MLXIP: variants seen among roughly 807,000 people sequenced by gnomAD.
The protein encoded by MLXIP is MLX interacting protein.
Under a neutral mutation model 87.2 loss-of-function variants are expected in MLXIP, and 30 were observed. That is an observed-to-expected ratio of 0.34 (90% CI 0.26 to 0.47). MLXIP has a LOEUF of 0.47. MLXIP is among the 20% of genes least tolerant of loss of function. The pLI is 1.00. For missense variants in MLXIP, 1,002 were observed against 1,240.1 expected (o/e 0.81, Z 2.88); for synonymous variants, 530 against 514.0 (o/e 1.03, Z -0.42).
At chr12:122,089,518 ACT>A (rs1231308249) in intron 1 of MLXIP, among the ~76,000 whole-genome samples, 2 of 151,724 alleles carry the variant, frequency 1.3e-5, no homozygotes, top group African/African-American at 2.4e-5. Flanking sequence ...GAAGCAGAAA[ACT>A]CTTTCATCCG....
rs1235799569 is a variant in MLXIP at position 122,078,788 on chromosome 12, C to G, written c.-66C>G. 7 of 1,025,524 alleles carry G rather than the reference C, an allele frequency of 6.8e-6. No homozygotes were observed. Among genetic ancestry groups the G allele is most frequent in the South Asian group, 4.6e-5 (1 of 21,974 alleles). 63.5% of individuals were successfully genotyped at this position (1,025,524 alleles called of 1,614,324 possible). A position where few individuals can be genotyped will look rare whatever the true frequency, so the allele number is the denominator to read the frequency against. On this transcript the variant is annotated 5_prime_UTR_variant, in exon 1 of 17. Transcript: ENST00000319080. ...GCGCGGGCCGGGCCGGGCCGGCGCC[C>G]CTCTGCCTCGCGCGCTTGTCGCGTT...
rs1439965003 is a variant in MLXIP, at chr12:122,135,763, A to G, written c.2032+97A>G. On this transcript the variant is annotated intron_variant, in intron 11 of 16. Coordinates refer to ENST00000319080, the MANE Select transcript of MLXIP (RefSeq NM_014938.6). This position sits in a 1 kb window ranked among gnomAD's most constrained non-coding sequence, Gnocchi z 5.3. ...GGTGCTTGCTGGGTCCCCAGGACGG[A>G]GCCTGGGCTTAGGACACACAGTGAG... is the stretch of plus-strand genomic sequence containing the variant. The G allele has an allele frequency of 7.3e-7, 1 of 1,369,394 alleles. No individual in the cohort carries two copies. The highest frequency in any genetic ancestry group is 2.6e-5 in the East Asian group (1 of 38,750). 84.8% of individuals were successfully genotyped at this position (1,369,394 alleles called of 1,614,324 possible).
Position 122,133,440 on chromosome 12 carries a change from T to C in MLXIP, c.1185T>C (p.Asp395=), listed in dbSNP as rs1206282770. The change falls in exon 9 of 17, where the codon GAT becomes GAC. Residue 395 remains aspartate (D), a synonymous_variant. Coordinates refer to ENST00000319080, the MANE Select transcript of MLXIP (RefSeq NM_014938.6). This position sits in a 1 kb window ranked among gnomAD's most constrained non-coding sequence, Gnocchi z 4.9. ...CCGCCCCATCCCTGGCTCACATGGATGAGCAGGGCTGTGAACACACCTCCC... is the reference window on the plus strand; with the variant it reads ...CCGCCCCATCCCTGGCTCACATGGACGAGCAGGGCTGTGAACACACCTCCC... The part of the protein sequence containing the change: ...PPTAPSLAHM[D]EQGCEHTSRT... 2 of 1,612,966 alleles carry C rather than the reference T, an allele frequency of 1.2e-6. No homozygotes were observed. The highest frequency in any genetic ancestry group is 1.7e-6 in the Non-Finnish European group (2 of 1,179,486).
Position 122,135,818 on chromosome 12 carries a change from G to T in MLXIP, c.2032+152G>T. On this transcript the variant is annotated intron_variant, in intron 11 of 16. Coordinates refer to ENST00000319080, the MANE Select transcript of MLXIP (RefSeq NM_014938.6). The surrounding 1 kb of genome is among the most constrained non-coding windows in gnomAD (Gnocchi z 5.3). The stretch of plus-strand genomic sequence containing the variant: ...TGTAGGCCTGCTGATAACACAGTCT[G>T]GGAACACGCTCTGTGGGTGGCAGGA... 1 of 927,416 alleles carries T rather than the reference G, an allele frequency of 1.1e-6. No individual in the cohort carries two copies. The highest frequency in any genetic ancestry group is 1.5e-6 in the Non-Finnish European group (1 of 653,442). 57.4% of individuals were successfully genotyped at this position (927,416 alleles called of 1,614,324 possible).
intron 1 of MLXIP, among the ~76,000 whole-genome samples, chr12:122,114,505 G>A (rs1343844931): frequency 6.6e-6 from 1 of 152,134 alleles, no homozygotes; most frequent in Non-Finnish European, 1.5e-5. Flanking sequence ...TTCTAGCCCC[G>A]CCCAGATGTC....
At chr12:122,127,681 C>T (rs752427743) in intron 2 of MLXIP, among the ~76,000 whole-genome samples, 10 of 152,220 alleles carry the variant, frequency 6.6e-5, no homozygotes, top group Non-Finnish European at 4.4e-5. Flanking sequence ...CACTGCCTCT[C>T]TGACTGAGGC....
At chr12:122,119,085 G>A (rs545727669) in intron 1 of MLXIP, among the ~76,000 whole-genome samples, 15 of 151,680 alleles carry the variant, frequency 9.9e-5, no homozygotes, top group Non-Finnish European at 2.1e-4. Flanking sequence ...GGACAGTGGC[G>A]TGAACCTGGG....
In MLXIP at chr12:122,141,834, G is replaced by C. The variant is rs11057509; in HGVS notation, c.*22G>C. ...CTAGCTGCTTAGCTGGCATGTGGCCGCATGAGATGCCAGGAGACCCTTCCC... is the reference window on the plus strand; with the variant it reads ...CTAGCTGCTTAGCTGGCATGTGGCCCCATGAGATGCCAGGAGACCCTTCCC... On this transcript the variant is annotated 3_prime_UTR_variant, in exon 17 of 17. Transcript: ENST00000319080. The C allele has an allele frequency of 1.2e-6, 2 of 1,611,460 alleles. No homozygotes were observed. Among genetic ancestry groups the C allele is most frequent in the Non-Finnish European group, 1.7e-6 (2 of 1,179,356 alleles).
Position 122,135,092 on chromosome 12 carries a change from C to A in MLXIP, c.1733-132C>A. 9.0e-7 allele frequency: 1 copy of A among 1,108,366 alleles called. No homozygotes were observed. Among genetic ancestry groups the A allele is most frequent in the Non-Finnish European group, 1.3e-6 (1 of 752,718 alleles). 68.7% of individuals were successfully genotyped at this position (1,108,366 alleles called of 1,614,324 possible). ...GAAGTCACACAAATGGTTTTAGGTG[C>A]CTTGGTGGCTTTGTCTTCCTGTCCC... On this transcript the variant is annotated intron_variant, in intron 9 of 16. Transcript: ENST00000319080. This position sits in a 1 kb window ranked among gnomAD's most constrained non-coding sequence, Gnocchi z 5.3.
chr12:122,086,827 G>C (rs1163942733), intron 1 of MLXIP, among the ~76,000 whole-genome samples: 2 of 152,116 alleles, frequency 1.3e-5, no homozygotes, highest in Admixed American at 1.3e-4. Context: ...GGTCCCCCGC[G>C]GGGGAGATGC....
At position 122,078,937 on chromosome 12, in the gene MLXIP, GGAC is replaced by G. The variant is rs1235628101; in HGVS notation, c.94_96del (p.Asp32del). ...TGCTGCTCAAGCCCCAGGTGTCCGA[GGAC>G]GACGACGACTCGGACACGGATGAGC... On this transcript the variant is annotated inframe_deletion, in exon 1 of 17. Transcript: ENST00000319080. 1.2e-5 allele frequency: 14 copies of G among 1,121,836 alleles called. No individual in the cohort carries two copies. Among genetic ancestry groups the G allele is most frequent in the Non-Finnish European group, 1.1e-5 (10 of 912,304 alleles). The allele number at this position is 1,121,836 out of a possible 1,614,324, so 69.5% of individuals were successfully genotyped here.
At chr12:122,094,500 GTGTGTGTGGTGTGTTGGTGTGTGTGT>G (rs1952314653) in intron 1 of MLXIP, among the ~76,000 whole-genome samples, 1 of 36,002 alleles carries the variant, frequency 2.8e-5, no homozygotes, top group Non-Finnish European at 6.6e-5. Flanking sequence ...TGCAATGTCT[GTGTGTGTGGTGTGTTGGTGTGTGTGT>G]TGTGTGTGGT....
intron 15 of MLXIP, chr12:122,140,714 C>T: frequency 4.9e-6 from 3 of 613,214 alleles, no homozygotes; most frequent in Non-Finnish European, 8.9e-6. Flanking sequence ...GTGTCCCTGT[C>T]CCCTGCCTGC....
intron 1 of MLXIP, among the ~76,000 whole-genome samples, chr12:122,099,413 A>G (rs755782170): frequency 5.3e-4 from 80 of 152,074 alleles, no homozygotes; most frequent in Non-Finnish European, 8.2e-4. Flanking sequence ...CCTCTTGGTA[A>G]TGCCCTGGGG....
At chr12:122,082,251 A>G (rs543244588) in intron 1 of MLXIP, among the ~76,000 whole-genome samples, 2 of 152,354 alleles carry the variant, frequency 1.3e-5, no homozygotes, top group Admixed American at 1.3e-4. Flanking sequence ...TTTGCTGAGA[A>G]GCCCTGTGGC....
chr12:122,091,659 A>G (rs943882388), intron 1 of MLXIP, among the ~76,000 whole-genome samples: 3 of 152,314 alleles, frequency 2.0e-5, no homozygotes, highest in African/African-American at 7.2e-5. Flanking sequence ...CTTTTCTGTT[A>G]TTTATTTTCC....
intron 9 of MLXIP, 197 bp downstream of exon 9, chr12:122,134,184 T>A: frequency 3.0e-6 from 2 of 672,028 alleles, no homozygotes; most frequent in Non-Finnish European, 4.5e-6. Context: ...CTATGCTCTA[T>A]CTTTTTTGTT....
intron 1 of MLXIP, among the ~76,000 whole-genome samples, chr12:122,101,566 AT>A (rs369219373): frequency 0.67 from 91,758 of 136,302 alleles, 30,480 homozygotes; most frequent in East Asian, 0.74. Context: ...TTATTTATTT[AT>A]TTTTTTCTTT....
chr12:122,122,527 C>A (rs1952799439), intron 1 of MLXIP, among the ~76,000 whole-genome samples: 1 of 152,018 alleles, frequency 6.6e-6, no homozygotes, highest in African/African-American at 2.4e-5. Context: ...CCACTCCCTG[C>A]TACTTTTTTC....
Sources: gnomAD v4.1 joint callset for allele counts (sites outside exome capture counted in the v4.1 genomes callset) on GRCh38, gnomAD v4.1.1 for gene constraint, Gnocchi (gnomAD v3.1) non-coding constraint, MANE v1.5 for transcripts, NCBI Gene and HGNC (gene_info 2026-07-23, HGNC 2026-07-21) for gene names.